ZZZ3: variants seen among roughly 807,000 people sequenced by gnomAD.
ZZZ3 encodes the protein ZZ-type zinc finger-containing protein 3.
In ZZZ3, 22 loss-of-function variants were observed where a neutral mutation model predicts 95.2. The observed-to-expected ratio is 0.23, with a 90% CI of 0.17 to 0.33. The LOEUF (loss-of-function observed/expected upper bound fraction) is 0.33. Ranked by LOEUF, ZZZ3 falls within the 10% of genes least tolerant of loss-of-function variation. The probability of loss-of-function intolerance (pLI) is 1.00; values close to 1 mark genes in which losing one functional copy is unlikely to be tolerated. For missense variants in ZZZ3, 885 were observed against 1,066.5 expected (o/e 0.83, Z 2.37); for synonymous variants, 335 against 358.9 (o/e 0.93, Z 0.75).
At chr1:77,635,256 C>G (rs1284294355) in intron 4 of ZZZ3, among the ~76,000 whole-genome samples, 1 of 152,162 alleles carries the variant, frequency 6.6e-6, no homozygotes, top group African/African-American at 2.4e-5. Flanking sequence ...AGTGTTGTCT[C>G]AAAGTATGGC....
intron 5 of ZZZ3, among the ~76,000 whole-genome samples, chr1:77,626,234 T>C (rs1667323048): frequency 6.6e-6 from 1 of 152,176 alleles, no homozygotes; most frequent in Admixed American, 6.5e-5. Flanking sequence ...CACTGGGAAC[T>C]GGTTTCATGA....
chr1:77,679,988 G>C (rs1003397087), intron 1 of ZZZ3, among the ~76,000 whole-genome samples: 2 of 152,156 alleles, frequency 1.3e-5, no homozygotes, highest in Non-Finnish European at 1.5e-5. Context: ...GATGCACGTG[G>C]ACTATTAAAG....
chr1:77,629,438 C>G (rs1246703552), intron 5 of ZZZ3, among the ~76,000 whole-genome samples: 1 of 152,108 alleles, frequency 6.6e-6, no homozygotes, highest in Non-Finnish European at 1.5e-5. Context: ...GACAACATGG[C>G]GAACCCCTGT....
intron 5 of ZZZ3, among the ~76,000 whole-genome samples, chr1:77,616,114 C>G (rs970847125): frequency 6.6e-6 from 1 of 152,090 alleles, no homozygotes; most frequent in African/African-American, 2.4e-5. Context: ...CTTCTTACCC[C>G]TGCTCTTGAG....
At chr1:77,679,069 A>G (rs1672515991) in intron 1 of ZZZ3, among the ~76,000 whole-genome samples, 1 of 152,222 alleles carries the variant, frequency 6.6e-6, no homozygotes, top group South Asian at 2.1e-4. Flanking sequence ...AAAGAAAAAC[A>G]GAAAGGTGAG....
At chr1:77,673,889 G>A (rs1672013187) in intron 1 of ZZZ3, among the ~76,000 whole-genome samples, 1 of 151,388 alleles carries the variant, frequency 6.6e-6, no homozygotes, top group Non-Finnish European at 1.5e-5. Context: ...AATTAGAATG[G>A]GAATCACTGC....
chr1:77,679,854 T>A (rs1346482900), intron 1 of ZZZ3, among the ~76,000 whole-genome samples: 1 of 152,226 alleles, frequency 6.6e-6, no homozygotes. Flanking sequence ...TCTCAGTATA[T>A]TTCTACCAAG....
At chr1:77,598,325 A>G (rs1182525312) in intron 5 of ZZZ3, among the ~76,000 whole-genome samples, 1 of 152,166 alleles carries the variant, frequency 6.6e-6, no homozygotes, top group African/African-American at 2.4e-5. Context: ...AGTAGAAGTG[A>G]ACCATCCTAA....
intron 5 of ZZZ3, among the ~76,000 whole-genome samples, chr1:77,609,866 A>G (rs1406346171): frequency 1.3e-5 from 2 of 152,086 alleles, no homozygotes; most frequent in African/African-American, 4.8e-5. Context: ...AACATACCAT[A>G]ACCTATAGGA....
chr1:77,599,247 A>G (rs1406073427), intron 5 of ZZZ3, among the ~76,000 whole-genome samples: 1 of 152,038 alleles, frequency 6.6e-6, no homozygotes, highest in African/African-American at 2.4e-5. Context: ...ATTATTATAT[A>G]GCTATTTGCT....
At chr1:77,682,472 G>A (rs1053048823) in intron 1 of ZZZ3, 113 bp downstream of exon 1, 1 of 152,714 alleles carries the variant, frequency 6.5e-6, no homozygotes. Context: ...GATGGGGAGG[G>A]CAGTGTTGCC....
chr1:77,644,124 G>A (rs377712500), intron 1 of ZZZ3, among the ~76,000 whole-genome samples: 3 of 151,556 alleles, frequency 2.0e-5, no homozygotes, highest in Middle Eastern at 3.4e-3. Context: ...GGAGTGCAAC[G>A]GTGCGATCTC....
At chr1:77,575,270 TA>T (rs1314372287) in intron 12 of ZZZ3, among the ~76,000 whole-genome samples, 3 of 152,346 alleles carry the variant, frequency 2.0e-5, no homozygotes, top group Admixed American at 2.0e-4. Flanking sequence ...AATAGTTGAC[TA>T]GGGGGCAGGG....
chr1:77,663,188 T>TCTATAAAA (rs1670966194), intron 1 of ZZZ3, among the ~76,000 whole-genome samples: 1 of 152,144 alleles, frequency 6.6e-6, no homozygotes, highest in Non-Finnish European at 1.5e-5. Flanking sequence ...AAATGCAATG[T>TCTATAAAA]ATGATCTTCG....
intron 5 of ZZZ3, among the ~76,000 whole-genome samples, chr1:77,597,014 T>C (rs1370513807): frequency 1.3e-5 from 2 of 152,106 alleles, no homozygotes; most frequent in African/African-American, 2.4e-5. Context: ...AATTTTGGTT[T>C]CTAATACCAT....
chr1:77,566,278 T>C, intron 13 of ZZZ3, 97 bp from the exon 14 acceptor site: 1 of 764,374 alleles, frequency 1.3e-6, no homozygotes, highest in Non-Finnish European at 2.1e-6. Flanking sequence ...ACAGACATCT[T>C]CTCTTCTCTC....
intron 1 of ZZZ3, among the ~76,000 whole-genome samples, chr1:77,649,325 G>C (rs1433543982): frequency 6.8e-6 from 1 of 146,120 alleles, no homozygotes. Flanking sequence ...GCACATGCCA[G>C]AAAACAGTGA....
intron 5 of ZZZ3, among the ~76,000 whole-genome samples, chr1:77,616,984 T>C (rs1414997151): frequency 2.6e-5 from 4 of 152,220 alleles, no homozygotes. Context: ...ATTACAAATA[T>C]ATGTTATAAT....
intron 14 of ZZZ3, 41 bp downstream of exon 14, chr1:77,566,040 T>C: frequency 6.7e-7 from 1 of 1,491,084 alleles, no homozygotes; most frequent in Non-Finnish European, 9.2e-7. Context: ...GAAGCTCTTT[T>C]CTTGTCTAAG....
Sources: gnomAD v4.1 joint callset for allele counts (sites outside exome capture counted in the v4.1 genomes callset) on GRCh38, gnomAD v4.1.1 for gene constraint, MANE v1.5 for transcripts, NCBI Gene and HGNC (gene_info 2026-07-23, HGNC 2026-07-21) for gene names.